SMARCC1: variants seen among roughly 807,000 people sequenced by gnomAD.
The protein encoded by SMARCC1 is SWI/SNF complex subunit SMARCC1.
SMARCC1 carries 43 observed loss-of-function variants against 147.4 expected under a neutral mutation model. The ratio of observed to expected loss-of-function variants is 0.29; its 90% CI spans 0.23 to 0.38. The LOEUF (loss-of-function observed/expected upper bound fraction) is 0.38. Ranked by LOEUF, SMARCC1 falls within the 10% of genes least tolerant of loss-of-function variation. SMARCC1 has a pLI of 1.00. For synonymous variants in SMARCC1, 495 were observed against 484.4 expected, an observed-to-expected ratio of 1.02 and a Z score of -0.29; for missense variants, 1,119 against 1,381.1, an observed-to-expected ratio of 0.81 and a Z score of 3.01.
chr3:47,737,267 G>A (rs1248963283), intron 4 of SMARCC1, among the ~76,000 whole-genome samples: 1 of 152,130 alleles, frequency 6.6e-6, no homozygotes, highest in African/African-American at 2.4e-5. Flanking sequence ...GATGGCGTGT[G>A]CCTGTAGTCC....
At chr3:47,641,175 C>T (rs955304851) in intron 21 of SMARCC1, among the ~76,000 whole-genome samples, 4 of 152,288 alleles carry the variant, frequency 2.6e-5, no homozygotes, top group Admixed American at 6.5e-5. Flanking sequence ...CAGGCCAAAG[C>T]CAACACAGTC....
chr3:47,666,571 C>T (rs1262962002), intron 19 of SMARCC1, among the ~76,000 whole-genome samples: 1 of 139,854 alleles, frequency 7.2e-6, no homozygotes, highest in African/African-American at 2.6e-5. Flanking sequence ...TGTAAAAAGG[C>T]AGACTGTTTT....
intron 2 of SMARCC1, among the ~76,000 whole-genome samples, chr3:47,748,324 G>T (rs142265353): frequency 6.6e-6 from 1 of 151,916 alleles, no homozygotes; most frequent in Admixed American, 6.6e-5. Context: ...AGGAATTCTC[G>T]TATCTCAGCC....
intron 7 of SMARCC1, 104 bp downstream of exon 7, chr3:47,720,562 C>A: frequency 2.4e-6 from 2 of 822,184 alleles, no homozygotes; most frequent in East Asian, 2.5e-5. Context: ...AATGACTAAA[C>A]ACAAAGCAAC....
At chr3:47,710,833 A>C (rs2106798386) in intron 8 of SMARCC1, 25 bp from the exon 9 acceptor site, 1 of 1,574,090 alleles carries the variant, frequency 6.4e-7, no homozygotes, top group East Asian at 2.3e-5. Flanking sequence ...AAGCATCAAT[A>C]TCTACATAAA....
chr3:47,588,636 A>G (rs1056831660), intron 27 of SMARCC1, among the ~76,000 whole-genome samples: 2 of 151,828 alleles, frequency 1.3e-5, no homozygotes, highest in African/African-American at 4.9e-5. Context: ...CAAGGGTTCT[A>G]ATTTTATTTC....
chr3:47,682,105 G>C (rs2033651153), intron 14 of SMARCC1, among the ~76,000 whole-genome samples: 1 of 150,908 alleles, frequency 6.6e-6, no homozygotes, highest in South Asian at 2.1e-4. Flanking sequence ...CTCATCCTGG[G>C]TAGCATGGTG....
At chr3:47,732,902 G>A (rs1026186090) in intron 5 of SMARCC1, among the ~76,000 whole-genome samples, 1 of 151,472 alleles carries the variant, frequency 6.6e-6, no homozygotes, top group Admixed American at 6.6e-5. Context: ...GAGGTCAGGA[G>A]TTCAAGACCA....
At chr3:47,612,724 G>A (rs2032579913) in intron 25 of SMARCC1, among the ~76,000 whole-genome samples, 1 of 151,816 alleles carries the variant, frequency 6.6e-6, no homozygotes, top group Non-Finnish European at 1.5e-5. Context: ...TTAAAACTTA[G>A]AAGGTAATTT....
At chr3:47,607,675 T>A (rs929792454) in intron 26 of SMARCC1, among the ~76,000 whole-genome samples, 1 of 152,200 alleles carries the variant, frequency 6.6e-6, no homozygotes. Context: ...TGAGTTCAAC[T>A]TCCAAAGTAG....
chr3:47,668,294 A>T (rs1169196713), intron 19 of SMARCC1, among the ~76,000 whole-genome samples: 1 of 152,058 alleles, frequency 6.6e-6, no homozygotes. Context: ...AATTCCCCAC[A>T]CCTTTTTACA....
chr3:47,766,517 T>C (rs2034842541), intron 2 of SMARCC1, among the ~76,000 whole-genome samples: 1 of 151,910 alleles, frequency 6.6e-6, no homozygotes, highest in South Asian at 2.1e-4. Context: ...GAATATGCAG[T>C]GAGTTGAGAT....
intron 9 of SMARCC1, among the ~76,000 whole-genome samples, chr3:47,709,950 GAACTAT>G (rs1480214002): frequency 3.3e-5 from 5 of 152,112 alleles, no homozygotes; most frequent in Admixed American, 1.3e-4. Context: ...AAAGTGGATT[GAACTAT>G]AACTGTTAAC....
At chr3:47,740,705 G>T (rs1191964140) in intron 3 of SMARCC1, among the ~76,000 whole-genome samples, 2 of 148,882 alleles carry the variant, frequency 1.3e-5, no homozygotes, top group African/African-American at 5.2e-5. Context: ...TCTTGTTAGT[G>T]AGACATCTCA....
At chr3:47,711,224 T>TGCCC (rs2034081257) in intron 8 of SMARCC1, among the ~76,000 whole-genome samples, 1 of 152,206 alleles carries the variant, frequency 6.6e-6, no homozygotes, top group Non-Finnish European at 1.5e-5. Context: ...GCCGATCACC[T>TGCCC]GCCCCATCAT....
chr3:47,749,816 C>CT (rs1268087824), intron 2 of SMARCC1, among the ~76,000 whole-genome samples: 1 of 151,256 alleles, frequency 6.6e-6, no homozygotes, highest in Non-Finnish European at 1.5e-5. Context: ...AAAAAGGTGG[C>CT]TCACGCCTAC....
intron 2 of SMARCC1, among the ~76,000 whole-genome samples, chr3:47,749,730 A>AAATTAAACACACACACAC (rs2034606326): frequency 9.9e-5 from 5 of 50,584 alleles, no homozygotes; most frequent in East Asian, 7.4e-4. Context: ...CACACAGAGA[A>AAATTAAACACACACACAC]AGAGACAGAG....
intron 9 of SMARCC1, among the ~76,000 whole-genome samples, chr3:47,707,995 C>A (rs547025692): frequency 1.3e-5 from 2 of 150,578 alleles, no homozygotes; most frequent in Non-Finnish European, 2.9e-5. Flanking sequence ...AGCTTAAACA[C>A]CTTATGAGTA....
intron 25 of SMARCC1, among the ~76,000 whole-genome samples, chr3:47,613,644 C>T (rs2032595640): frequency 6.6e-6 from 1 of 152,168 alleles, no homozygotes; most frequent in South Asian, 2.1e-4. Flanking sequence ...TGAGCCACTG[C>T]TCCTGGCCAG....
Sources: gnomAD v4.1 joint callset for allele counts (sites outside exome capture counted in the v4.1 genomes callset) on GRCh38, gnomAD v4.1.1 for gene constraint, MANE v1.5 for transcripts, NCBI Gene and HGNC (gene_info 2026-07-23, HGNC 2026-07-21) for gene names.